The following RGS3 variants were observed in gnomAD, a reference collection of about 807,000 sequenced individuals.
RGS3 encodes the protein regulator of G-protein signalling 3.
In RGS3, 80 loss-of-function variants were observed where a neutral mutation model predicts 132.6. The observed-to-expected ratio is 0.60, with a 90% CI of 0.50 to 0.73. RGS3 has a LOEUF of 0.73. Among genes scored for constraint, RGS3 ranks in the 30% least tolerant of loss-of-function variants. The probability of loss-of-function intolerance (pLI) is 0.00; values close to 1 mark genes in which losing one functional copy is unlikely to be tolerated. For missense variants in RGS3, 1,382 were observed against 1,530.8 expected (o/e 0.90, Z 1.62); for synonymous variants, 598 against 620.6 (o/e 0.96, Z 0.54).
At chr9:113,529,410 T>G in intron 18 of RGS3, 146 bp downstream of exon 16, 1 of 708,450 alleles carries the variant, frequency 1.4e-6, no homozygotes, top group Non-Finnish European at 2.5e-6. Context: ...GAGTAGCGGT[T>G]TTTTGCTAGG....
exon 3 of RGS3, chr9:113,462,159 C>T (rs781250226): frequency 1.2e-6 from 2 of 1,613,978 alleles, no homozygotes; most frequent in African/African-American, 2.7e-5. Flanking sequence ...TCAAACTTCT[C>T]CAGCCAGGAA....
At chr9:113,559,547 T>A (rs1011882450) in intron 19 of RGS3, among the ~76,000 whole-genome samples, 1 of 152,200 alleles carries the variant, frequency 6.6e-6, no homozygotes, top group Non-Finnish European at 1.5e-5. Flanking sequence ...ACCGTTTCCA[T>A]TAGCAGGTTG....
Position 113,463,907 on chromosome 9 carries a change from A to G in RGS3, c.415+1706A>G. 1 of 1,611,518 alleles carries G rather than the reference A, an allele frequency of 6.2e-7. No individual in the cohort carries two copies. The highest frequency in any genetic ancestry group is 8.5e-7 in the Non-Finnish European group (1 of 1,179,022). On this transcript the variant is annotated intron_variant, in intron 3 of 24. Coordinates refer to ENST00000350696, the Ensembl canonical transcript of RGS3. This position sits in a 1 kb window ranked among gnomAD's most constrained non-coding sequence, Gnocchi z 4.6. Reference sequence around the variant, plus strand: ...GTAAGTGCCCGCTGGGGCTGGCGGCAGGGGCTGCTTCACCCTGCTCCCAGC... The same window carrying G: ...GTAAGTGCCCGCTGGGGCTGGCGGCGGGGGCTGCTTCACCCTGCTCCCAGC...
At chr9:113,520,048 A>C (rs1831865348) in intron 16 of RGS3, among the ~76,000 whole-genome samples, 1 of 152,170 alleles carries the variant, frequency 6.6e-6, no homozygotes, top group Non-Finnish European at 1.5e-5. Flanking sequence ...TCCCAAGAAG[A>C]AGCTTAGTTA....
At chr9:113,514,949 G>A (rs2119369163) in intron 15 of RGS3, among the ~76,000 whole-genome samples, 1 of 152,220 alleles carries the variant, frequency 6.6e-6, no homozygotes, top group Middle Eastern at 3.4e-3. Flanking sequence ...CCAGCTGCTT[G>A]TTGCCATGTC....
rs1287401992 is a variant in RGS3 at position 113,591,435 on chromosome 9, C to G, written c.3080+38C>G. ...GATCCCTGGCTTCTGCGCTCCTCTT[C>G]CTCCCTTGCCCCAGGGCTTGTCTCT... On this transcript the variant is annotated intron_variant, in intron 21 of 24. Coordinates refer to ENST00000350696, the Ensembl canonical transcript of RGS3. This position sits in a 1 kb window ranked among gnomAD's most constrained non-coding sequence, Gnocchi z 4.4. The G allele has an allele frequency of 6.3e-7, 1 of 1,577,032 alleles. No individual in the cohort carries two copies. The highest frequency in any genetic ancestry group is 1.3e-5 in the African/African-American group (1 of 74,114).
intron 19 of RGS3, among the ~76,000 whole-genome samples, chr9:113,544,666 A>G (rs1296888254): frequency 6.6e-6 from 1 of 152,140 alleles, no homozygotes; most frequent in Non-Finnish European, 1.5e-5. Context: ...CCCAGGCATG[A>G]TCTCCCCCCA....
exon 20 of RGS3, chr9:113,584,175 G>C (rs762157898): frequency 6.2e-7 from 1 of 1,614,126 alleles, no homozygotes; most frequent in African/African-American, 1.3e-5. Context: ...TGATCGAGAC[G>C]GGCCAGGGGG....
chr9:113,575,395 C>T (rs1195665377), intron 19 of RGS3, among the ~76,000 whole-genome samples: 1 of 152,146 alleles, frequency 6.6e-6, no homozygotes, highest in Non-Finnish European at 1.5e-5. Context: ...CCCTCCTGAG[C>T]CTCTGACAGA....
chr9:113,573,284 A>C (rs958644226), intron 19 of RGS3, among the ~76,000 whole-genome samples: 2 of 152,168 alleles, frequency 1.3e-5, no homozygotes, highest in Admixed American at 1.3e-4. Context: ...AGTCCTCCCT[A>C]TTCTCAGAGC....
intron 7 of RGS3, among the ~76,000 whole-genome samples, chr9:113,495,115 T>C (rs1251261834): frequency 9.2e-5 from 14 of 152,170 alleles, no homozygotes; most frequent in Non-Finnish European, 1.6e-4. Context: ...CCTCAAGTGA[T>C]CTGCCTGCCT....
intron 3 of RGS3, among the ~76,000 whole-genome samples, chr9:113,472,663 T>C (rs570723136): frequency 6.6e-6 from 1 of 152,148 alleles, no homozygotes; most frequent in Non-Finnish European, 1.5e-5. Context: ...GGATTTCTTT[T>C]AGGGGAGGAT....
chr9:113,455,387 C>G (rs755993253), upstream of RGS3, among the ~76,000 whole-genome samples: 2 of 152,146 alleles, frequency 1.3e-5, no homozygotes, highest in Non-Finnish European at 2.9e-5. Context: ...CATTATCAGG[C>G]CAGGAAAAGC....
Position 113,565,440 on chromosome 9 carries a change from G to A in RGS3, c.2038-18010G>A. The A allele has an allele frequency of 8.2e-7, 1 of 1,222,358 alleles. No individual in the cohort carries two copies. The highest frequency in any genetic ancestry group is 2.3e-5 in the Admixed American group (1 of 43,048). 75.7% of individuals were successfully genotyped at this position (1,222,358 alleles called of 1,614,324 possible). ...AGGAGGAGGAAGAGGAGGAGGGACGGGTGATGCAAGGGTTTTGAAAGCGCT... is the reference window on the plus strand; with the variant it reads ...AGGAGGAGGAAGAGGAGGAGGGACGAGTGATGCAAGGGTTTTGAAAGCGCT... On this transcript the variant is annotated intron_variant, in intron 19 of 24. Coordinates refer to ENST00000350696, the Ensembl canonical transcript of RGS3. The surrounding 1 kb of genome is among the most constrained non-coding windows in gnomAD (Gnocchi z 5.7).
exon 25 of RGS3, chr9:113,597,263 G>A (rs16906786): frequency 0.039 from 9,405 of 241,494 alleles, 896 homozygotes; most frequent in African/African-American, 0.2. Context: ...GAGGCTTCGC[G>A]TTGACCAAGT....
At chr9:113,557,681 G>T (rs950163831) in intron 19 of RGS3, among the ~76,000 whole-genome samples, 1 of 152,210 alleles carries the variant, frequency 6.6e-6, no homozygotes, top group African/African-American at 2.4e-5. Context: ...CCAGTGTGGG[G>T]CAAGGACACC....
At position 113,591,289 on chromosome 9, in the gene RGS3, T is replaced by C. The variant is rs1479957552; in HGVS notation, c.3016-44T>C. 6.3e-7 allele frequency: 1 copy of C among 1,577,688 alleles called. No homozygotes were observed. The highest frequency in any genetic ancestry group is 1.7e-5 in the Admixed American group (1 of 59,632). ...GAGCCTCTGTTTACTTAGGCAGGAGTTCCTGGGTGCCCAGACTGCATCGTG... is the reference window on the plus strand; with the variant it reads ...GAGCCTCTGTTTACTTAGGCAGGAGCTCCTGGGTGCCCAGACTGCATCGTG... On this transcript the variant is annotated intron_variant, in intron 20 of 24. Coordinates refer to ENST00000350696, the Ensembl canonical transcript of RGS3. This position sits in a 1 kb window ranked among gnomAD's most constrained non-coding sequence, Gnocchi z 4.4.
intron 11 of RGS3, 128 bp downstream of exon 9, chr9:113,505,651 GAAT>G: frequency 4.2e-6 from 3 of 705,996 alleles, no homozygotes; most frequent in Non-Finnish European, 5.0e-6. Flanking sequence ...AAAATGAAAA[GAAT>G]AATATTTTTA....
At chr9:113,509,731 G>A (rs376366177) in intron 14 of RGS3, among the ~76,000 whole-genome samples, 1 of 152,122 alleles carries the variant, frequency 6.6e-6, no homozygotes, top group Non-Finnish European at 1.5e-5. Flanking sequence ...TCTCAGTGGT[G>A]TGAAGGCGAT....
Sources: gnomAD v4.1 joint callset for allele counts (sites outside exome capture counted in the v4.1 genomes callset) on GRCh38, gnomAD v4.1.1 for gene constraint, Gnocchi (gnomAD v3.1) non-coding constraint, MANE v1.5 for transcripts, NCBI Gene and HGNC (gene_info 2026-07-23, HGNC 2026-07-21) for gene names.